Variants in MAGI2 observed in about 807,000 individuals in gnomAD.
The protein encoded by MAGI2 is membrane associated guanylate kinase, WW and PDZ domain containing 2.
A neutral mutation model predicts 133.3 loss-of-function variants in MAGI2; 35 were observed. The observed-to-expected ratio is 0.26, with a 90% CI of 0.20 to 0.35. The LOEUF is 0.35. Ranked by LOEUF, MAGI2 falls within the 10% of genes least tolerant of loss-of-function variation. MAGI2 has a pLI of 1.00. For missense variants in MAGI2, 1,636 were observed against 1,863.4 expected, an observed-to-expected ratio of 0.88 and a Z score of 2.25; for synonymous variants, 729 against 710.6, an observed-to-expected ratio of 1.03 and a Z score of -0.41.
chr7:78,378,937 C>A, intron 6 of MAGI2, among the ~76,000 whole-genome samples: 1 of 152,110 alleles, frequency 6.6e-6, no homozygotes, highest in East Asian at 1.9e-4. Context: ...AGCTCACGTA[C>A]TATTGCTTAG....
chr7:79,073,061 C>A (rs552743112), intron 1 of MAGI2, among the ~76,000 whole-genome samples: 52 of 151,824 alleles, frequency 3.4e-4, no homozygotes, highest in Non-Finnish European at 6.5e-4. Context: ...ACAAAAAAAA[C>A]AAAGGCTAAG....
At chr7:79,091,704 A>G (rs1005450791) in intron 1 of MAGI2, among the ~76,000 whole-genome samples, 1 of 152,010 alleles carries the variant, frequency 6.6e-6, no homozygotes, top group African/African-American at 2.4e-5. Context: ...TGAGAGCCAT[A>G]TGGTCTCTGT....
intron 3 of MAGI2, among the ~76,000 whole-genome samples, chr7:78,544,485 C>T (rs1798657360): frequency 6.6e-6 from 1 of 152,146 alleles, no homozygotes; most frequent in Non-Finnish European, 1.5e-5. Context: ...ACAATTATAT[C>T]TGACTATAAT....
At chr7:78,955,717 T>TTC in intron 2 of MAGI2, among the ~76,000 whole-genome samples, 1 of 139,110 alleles carries the variant, frequency 7.2e-6, no homozygotes, top group African/African-American at 2.8e-5. Context: ...TTCTTTTTCT[T>TTC]TCTTTCTCTT....
chr7:78,470,115 C>T (rs1368857253), intron 6 of MAGI2, among the ~76,000 whole-genome samples: 1 of 152,116 alleles, frequency 6.6e-6, no homozygotes, highest in African/African-American at 2.4e-5. Flanking sequence ...TGAAAAACCA[C>T]CTTAAGGATC....
intron 16 of MAGI2, among the ~76,000 whole-genome samples, chr7:78,155,960 A>G (rs1824346460): frequency 1.3e-5 from 2 of 152,186 alleles, no homozygotes; most frequent in African/African-American, 4.8e-5. Context: ...TTGGCTGAAG[A>G]AGCTATGGAC....
chr7:78,683,124 G>T (rs1339440629), intron 2 of MAGI2, among the ~76,000 whole-genome samples: 1 of 152,126 alleles, frequency 6.6e-6, no homozygotes, highest in Non-Finnish European at 1.5e-5. Flanking sequence ...TGATAAAGTT[G>T]GTTGTGAAGA....
At chr7:78,453,053 C>T (rs939809565) in intron 6 of MAGI2, among the ~76,000 whole-genome samples, 7 of 151,942 alleles carry the variant, frequency 4.6e-5, no homozygotes, top group African/African-American at 1.7e-4. Context: ...ATGTTAATAG[C>T]CTCTTTCCTC....
At chr7:78,982,135 A>T (rs980292959) in intron 2 of MAGI2, among the ~76,000 whole-genome samples, 2 of 151,936 alleles carry the variant, frequency 1.3e-5, no homozygotes, top group Admixed American at 1.3e-4. Flanking sequence ...ATATAAGCTT[A>T]GGTGCTTTTC....
chr7:78,219,111 C>T (rs913123878), intron 10 of MAGI2, among the ~76,000 whole-genome samples: 1 of 152,132 alleles, frequency 6.6e-6, no homozygotes, highest in African/African-American at 2.4e-5. Context: ...GAACGTGCCT[C>T]GTCTACCTTC....
chr7:78,135,749 A>AC (rs11453832), intron 16 of MAGI2, among the ~76,000 whole-genome samples: 132,257 of 152,174 alleles, frequency 0.87, 57,665 homozygotes, highest in African/African-American at 0.91. Flanking sequence ...ATATGTGTTA[A>AC]ATGGGTAGTA....
intron 10 of MAGI2, chr7:78,253,439 C>T (rs1435288336): frequency 1.3e-5 from 2 of 152,142 alleles, no homozygotes; most frequent in Admixed American, 1.3e-4. Flanking sequence ...GATTGTTGCA[C>T]AACTATATCA....
chr7:79,425,350 C>T (rs1036495815), intron 1 of MAGI2, among the ~76,000 whole-genome samples: 2 of 151,660 alleles, frequency 1.3e-5, no homozygotes, highest in African/African-American at 4.8e-5. Flanking sequence ...GGATTAAGAT[C>T]ATCCATGAGG....
intron 2 of MAGI2, among the ~76,000 whole-genome samples, chr7:78,839,903 T>G (rs1791975684): frequency 6.6e-6 from 1 of 152,120 alleles, no homozygotes; most frequent in South Asian, 2.1e-4. Flanking sequence ...TGCTCTAGTT[T>G]ATGCCATAAG....
intron 1 of MAGI2, among the ~76,000 whole-genome samples, chr7:79,289,224 T>C (rs954932221): frequency 6.6e-6 from 1 of 152,166 alleles, no homozygotes; most frequent in African/African-American, 2.4e-5. Flanking sequence ...TTTGCCCAGA[T>C]ACAGTATCAG....
intron 4 of MAGI2, among the ~76,000 whole-genome samples, chr7:78,502,620 T>C (rs919389235): frequency 6.6e-6 from 1 of 152,338 alleles, no homozygotes; most frequent in African/African-American, 2.4e-5. Context: ...TGCATCTGAT[T>C]TATAAATTAA....
At chr7:78,149,756 A>T (rs1320153055) in intron 16 of MAGI2, among the ~76,000 whole-genome samples, 2 of 152,208 alleles carry the variant, frequency 1.3e-5, no homozygotes, top group African/African-American at 4.8e-5. Context: ...CATCTTTATG[A>T]TGAACAGACT....
intron 9 of MAGI2, among the ~76,000 whole-genome samples, chr7:78,257,662 T>C (rs1793129166): frequency 6.6e-6 from 1 of 152,242 alleles, no homozygotes; most frequent in South Asian, 2.1e-4. Flanking sequence ...TATGTATGAA[T>C]AACAATTTTA....
intron 1 of MAGI2, among the ~76,000 whole-genome samples, chr7:79,449,105 T>C (rs1849057674): frequency 6.6e-6 from 1 of 152,174 alleles, no homozygotes; most frequent in Non-Finnish European, 1.5e-5. Flanking sequence ...AAAGTCAATC[T>C]TTATTTTCAG....
Sources: allele counts gnomAD v4.1 joint callset (sites outside exome capture counted in the v4.1 genomes callset), GRCh38; gene constraint gnomAD v4.1.1; transcripts MANE v1.5; gene names NCBI Gene and HGNC (gene_info 2026-07-23, HGNC 2026-07-21).